Variants in CDKN2A observed in about 807,000 individuals in gnomAD.
The protein encoded by CDKN2A is cyclin-dependent kinase inhibitor 2A.
Under a neutral mutation model 11.1 loss-of-function variants are expected in CDKN2A, and 3 were observed. The ratio of observed to expected loss-of-function variants is 0.27; its 90% CI spans 0.12 to 0.70. The LOEUF is 0.70. Among genes scored for constraint, CDKN2A ranks in the 30% least tolerant of loss-of-function variants. CDKN2A has a pLI of 0.77. For synonymous variants in CDKN2A, 122 were observed against 108.1 expected (o/e 1.13, Z -0.80); for missense variants, 265 against 233.6 (o/e 1.13, Z -0.88).
Position 21,968,379 on chromosome 9 carries a change from T to C in CDKN2A, c.458-137A>G. On this transcript the variant is annotated intron_variant, in intron 2 of 2. Coordinates refer to ENST00000304494, the MANE Select transcript of CDKN2A (RefSeq NM_000077.5). The surrounding 1 kb of genome is among the most constrained non-coding windows in gnomAD (Gnocchi z 4.7). The stretch of plus-strand genomic sequence containing the variant: ...AGTTCTCGCAATGGCTTCACGTGCA[T>C]GTACCCGCCGCCACCGCTCTCCCAC... The C allele has an allele frequency of 2.0e-6, 3 of 1,504,184 alleles. No individual in the cohort carries two copies. Among genetic ancestry groups the C allele is most frequent in the Admixed American group, 2.0e-5 (1 of 51,116 alleles). The allele number at this position is 1,504,184 out of a possible 1,614,324, so 93.2% of individuals were successfully genotyped here.
upstream of CDKN2A, among the ~76,000 whole-genome samples, chr9:21,978,604 T>C (rs1041909100): frequency 2.0e-5 from 3 of 152,276 alleles, no homozygotes; most frequent in Non-Finnish European, 4.4e-5. Context: ...ACACTTACTT[T>C]TCCTCTTTCC....
At chr9:21,985,723 A>C (rs1361949214) in intron 2 of CDKN2A, among the ~76,000 whole-genome samples, 1 of 151,964 alleles carries the variant, frequency 6.6e-6, no homozygotes, top group East Asian at 1.9e-4. Context: ...GAATACTAGA[A>C]TAGCTTAGAG....
At chr9:21,989,525 G>C (rs747951211) in intron 2 of CDKN2A, 4 of 152,124 alleles carry the variant, frequency 2.6e-5, no homozygotes, top group Non-Finnish European at 5.9e-5. Context: ...GGAAGTCGTG[G>C]CCTTTCAACA....
Position 21,968,223 on chromosome 9 carries a change from G to T in CDKN2A, c.*6C>A, listed in dbSNP as rs375628411. On this transcript the variant is annotated 3_prime_UTR_variant, in exon 3 of 3. Transcript: ENST00000304494. The surrounding 1 kb of genome is among the most constrained non-coding windows in gnomAD (Gnocchi z 4.7). ...CCCGAGGTTTCTCAGAGCCTCTCTGGTTCTTTCAATCGGGGATGTCTGCAG... is the reference window on the plus strand; with the variant it reads ...CCCGAGGTTTCTCAGAGCCTCTCTGTTTCTTTCAATCGGGGATGTCTGCAG... 1 of 1,613,896 alleles carries T rather than the reference G, an allele frequency of 6.2e-7. No individual in the cohort carries two copies. The highest frequency in any genetic ancestry group is 8.5e-7 in the Non-Finnish European group (1 of 1,179,840).
In CDKN2A at chr9:21,968,527, T is replaced by G; in HGVS notation, c.458-285A>C. 1 of 1,450,376 alleles carries G rather than the reference T, an allele frequency of 6.9e-7. No homozygotes were observed. Among genetic ancestry groups the G allele is most frequent in the Non-Finnish European group, 9.0e-7 (1 of 1,108,838 alleles). The allele number at this position is 1,450,376 out of a possible 1,614,324, so 89.8% of individuals were successfully genotyped here. ...AGCGCGACCGCGCGGCCCGCAGGGT[T>G]GCAAGAAGAAAACGAGTGTTATATA... On this transcript the variant is annotated intron_variant, in intron 2 of 2. Coordinates refer to ENST00000304494, the MANE Select transcript of CDKN2A (RefSeq NM_000077.5). The surrounding 1 kb of genome is among the most constrained non-coding windows in gnomAD (Gnocchi z 4.7).
At chr9:21,983,054 C>T (rs986210260) in intron 2 of CDKN2A, among the ~76,000 whole-genome samples, 1 of 152,046 alleles carries the variant, frequency 6.6e-6, no homozygotes, top group Non-Finnish European at 1.5e-5. Context: ...TGCTTTAGAG[C>T]AAGTTGCAAA....
chr9:21,984,648 A>G (rs1820264354), intron 2 of CDKN2A, among the ~76,000 whole-genome samples: 2 of 151,994 alleles, frequency 1.3e-5, no homozygotes, highest in African/African-American at 4.8e-5. Context: ...ATAATAATGT[A>G]TTCGGTTTTC....
At chr9:21,969,580 A>G (rs1189763881) in intron 2 of CDKN2A, 6 of 395,284 alleles carry the variant, frequency 1.5e-5, no homozygotes, top group African/African-American at 4.1e-5. Flanking sequence ...GATTAAATAT[A>G]TTAGGTTTGG....
intron 1 of CDKN2A, chr9:21,994,432 C>T (rs1449259738): frequency 1.3e-6 from 2 of 1,585,520 alleles, no homozygotes; most frequent in South Asian, 2.3e-5. Flanking sequence ...CAGACTGGGA[C>T]CCACGCACCG....
At chr9:21,993,799 CTGTGTGTGTGTGTGTGTGTGTGTGTG>C (rs71336508) in intron 2 of CDKN2A, 2 of 246,152 alleles carry the variant, frequency 8.1e-6, no homozygotes, top group Non-Finnish European at 1.5e-5. Flanking sequence ...ACCTTTCCTA[CTGTGTGTGTGTGTGTGTGTGTGTGTG>C]TGTGTGTGTG....
chr9:21,974,437 ATCT>A lies in CDKN2A; in HGVS notation c.150+238_150+240del, dbSNP rs762288239. 8 of 1,610,586 alleles carry A rather than the reference ATCT, an allele frequency of 5.0e-6. No homozygotes were observed. The highest frequency in any genetic ancestry group is 4.4e-5 in the South Asian group (4 of 90,198). ...AATACAAATATGTTCCCCCCTTCAG[ATCT>A]TCTCAGCATTCGAGAGATCTGTACG... On this transcript the variant is annotated intron_variant, in intron 1 of 2. Coordinates refer to ENST00000304494, the MANE Select transcript of CDKN2A (RefSeq NM_000077.5). This position sits in a 1 kb window ranked among gnomAD's most constrained non-coding sequence, Gnocchi z 5.2.
chr9:21,981,074 GTA>G lies in CDKN2A; in HGVS notation c.-3-9868_-3-9867del, dbSNP rs369913497. Among the ~76,000 whole-genome samples the G allele has an allele frequency of 1.8e-3, 55 of 30,104 alleles. 25 individuals carry two copies. The East Asian group carries it at 0.026, about 14-fold the overall frequency. The allele number at this position is 30,104 out of a possible 152,430, so 19.7% of individuals were successfully genotyped here. ...TATATACGTGTATATATATATACGTGTATATATATATATACGTGTATATATAT... is the reference window on the plus strand; with the variant it reads ...TATATACGTGTATATATATATACGTGTATATATATATACGTGTATATATAT... On this transcript the variant is annotated intron_variant, in intron 2 of 3. Coordinates refer to the CDKN2A transcript ENST00000494262.
At chr9:21,971,496 T>C in intron 1 of CDKN2A, 1 of 614,212 alleles carries the variant, frequency 1.6e-6, no homozygotes, top group Non-Finnish European at 2.6e-6. Flanking sequence ...AGACTGACTT[T>C]TACTCCAGGC....
intron 2 of CDKN2A, 73 bp downstream of exon 2, chr9:21,970,829 T>C (rs1185345042): frequency 8.2e-6 from 13 of 1,578,546 alleles, no homozygotes; most frequent in Non-Finnish European, 1.1e-5. Flanking sequence ...GGCTGAACTT[T>C]CTGTGCTGGA....
chr9:21,975,525 T>A (rs1408377142), upstream of CDKN2A, among the ~76,000 whole-genome samples: 1 of 152,052 alleles, frequency 6.6e-6, no homozygotes. Context: ...GAAACCCTAG[T>A]TCAAAGGATT....
At chr9:21,977,939 A>G (rs1280920330), upstream of CDKN2A, among the ~76,000 whole-genome samples, 1 of 152,162 alleles carries the variant, frequency 6.6e-6, no homozygotes, top group Non-Finnish European at 1.5e-5. Context: ...CAACCATATA[A>G]AAACAACATT....
chr9:21,968,085 G>C lies in CDKN2A; in HGVS notation c.*144C>G. On this transcript the variant is annotated 3_prime_UTR_variant, in exon 3 of 3. Coordinates refer to ENST00000304494, the MANE Select transcript of CDKN2A (RefSeq NM_000077.5). This position sits in a 1 kb window ranked among gnomAD's most constrained non-coding sequence, Gnocchi z 4.7. The stretch of plus-strand genomic sequence containing the variant: ...GGAAGGCATATATCTACGTTAAAAG[G>C]CAGGACATTTTTAAAAGCTCTATTT... 1 of 762,126 alleles carries C rather than the reference G, an allele frequency of 1.3e-6. No homozygotes were observed. Among genetic ancestry groups the C allele is most frequent in the Non-Finnish European group, 2.4e-6 (1 of 416,830 alleles). 47.2% of individuals were successfully genotyped at this position (762,126 alleles called of 1,614,324 possible). A position where few individuals can be genotyped will look rare whatever the true frequency, so the allele number is the denominator to read the frequency against.
rs1200952411 is a variant in CDKN2A at position 21,974,425 on chromosome 9, T to TC, written c.150+252dup. 3.7e-6 allele frequency: 6 copies of TC among 1,607,578 alleles called. No homozygotes were observed. In the African/African-American group the frequency reaches 4.0e-5, roughly 11 times the overall value. On this transcript the variant is annotated intron_variant, in intron 1 of 2. Coordinates refer to ENST00000304494, the MANE Select transcript of CDKN2A (RefSeq NM_000077.5). The surrounding 1 kb of genome is among the most constrained non-coding windows in gnomAD (Gnocchi z 5.2). Reference sequence around the variant, plus strand: ...ATACTTCCATCTAATACAAATATGTTCCCCCCTTCAGATCTTCTCAGCATT... The same window carrying TC: ...ATACTTCCATCTAATACAAATATGTTCCCCCCCTTCAGATCTTCTCAGCATT...
chr9:21,990,648 G>GAGAGAGAGAGAGAGAGAGAA (rs1261600637), intron 2 of CDKN2A, among the ~76,000 whole-genome samples: 5 of 149,372 alleles, frequency 3.3e-5, no homozygotes, highest in African/African-American at 1.0e-4. Flanking sequence ...GAGAGAGAGA[G>GAGAGAGAGAGAGAGAGAGAA]AGAAACTGTT....
Sources: allele counts gnomAD v4.1 joint callset (sites outside exome capture counted in the v4.1 genomes callset), GRCh38; gene constraint gnomAD v4.1.1; non-coding constraint Gnocchi (gnomAD v3.1); transcripts MANE v1.5; gene names NCBI Gene and HGNC (gene_info 2026-07-23, HGNC 2026-07-21).